The following GALNT18 variants were observed in gnomAD, a reference collection of about 807,000 sequenced individuals.
GALNT18 encodes polypeptide N-acetylgalactosaminyltransferase 18.
In GALNT18, 44 loss-of-function variants were observed where a neutral mutation model predicts 69.5. That is an observed-to-expected ratio of 0.63 (90% CI 0.50 to 0.81). The LOEUF (loss-of-function observed/expected upper bound fraction) is 0.81, where lower values mean the gene tolerates loss of function less well. GALNT18 is among the 40% of genes least tolerant of loss of function. The pLI is 0.00. For missense variants in GALNT18, 715 were observed against 810.0 expected (o/e 0.88, Z 1.42); for synonymous variants, 364 against 318.2 (o/e 1.14, Z -1.53).
intron 1 of GALNT18, among the ~76,000 whole-genome samples, chr11:11,524,106 C>T (rs1857465383): frequency 6.6e-6 from 1 of 152,012 alleles, no homozygotes; most frequent in Non-Finnish European, 1.5e-5. Context: ...GCCCTAAATC[C>T]AAGAAAGGCT....
chr11:11,362,092 G>A (rs1850656703), intron 6 of GALNT18, among the ~76,000 whole-genome samples: 1 of 152,144 alleles, frequency 6.6e-6, no homozygotes, highest in African/African-American at 2.4e-5. Context: ...ATATTATTTT[G>A]AATAGAAGGT....
rs528025879 is a variant in GALNT18, at chr11:11,442,504, A to T, written c.428+6240T>A. Among the ~76,000 whole-genome samples the T allele has an allele frequency of 7.2e-5, 11 of 152,274 alleles. 1 individual carries two copies. The East Asian group carries it at 1.9e-3, about 27-fold the overall frequency. ...TCAAAGATGCCAGATGTCTCTCTAG[A>T]GTCTGGACTGTTAAAACAATCTTGC... On this transcript the variant is annotated intron_variant, in intron 2 of 10. Transcript: ENST00000227756.
chr11:11,501,546 T>C (rs1452812697), intron 1 of GALNT18, among the ~76,000 whole-genome samples: 2 of 152,194 alleles, frequency 1.3e-5, no homozygotes, highest in Non-Finnish European at 2.9e-5. Context: ...AAGACACAAT[T>C]TGCCTATATT....
chr11:11,559,420 T>C (rs536689859), intron 1 of GALNT18, among the ~76,000 whole-genome samples: 4 of 152,340 alleles, frequency 2.6e-5, no homozygotes, highest in Admixed American at 1.3e-4. Flanking sequence ...AGCTTTCTAA[T>C]AGCAGGGCTG....
At chr11:11,294,892 C>G (rs57044303) in intron 9 of GALNT18, among the ~76,000 whole-genome samples, 4,641 of 152,230 alleles carry the variant, frequency 0.03, 227 homozygotes, top group African/African-American at 0.094. Context: ...CCAGTGATTA[C>G]GCCTCAGAAA....
rs180949567 is a variant in GALNT18, at chr11:11,370,305, A to G, written c.1092+2210T>C. On this transcript the variant is annotated intron_variant, in intron 6 of 10. Coordinates refer to ENST00000227756, the MANE Select transcript of GALNT18 (RefSeq NM_198516.3). ...ACAATCGTATGGTGTAATTAGGGCA[A>G]GTGTGCTGCTTTATAGAGGAAACTG... is the stretch of plus-strand genomic sequence containing the variant. Among the ~76,000 whole-genome samples the G allele has an allele frequency of 7.0e-3, 1,068 of 152,332 alleles. 11 individuals carry two copies. Among genetic ancestry groups the G allele is most frequent in the African/African-American group, 0.024 (1,011 of 41,578 alleles).
intron 1 of GALNT18, among the ~76,000 whole-genome samples, chr11:11,466,115 G>A (rs1211271438): frequency 1.3e-5 from 2 of 151,968 alleles, no homozygotes; most frequent in Non-Finnish European, 2.9e-5. Flanking sequence ...GCATGACCAT[G>A]TGTGATTAAC....
intron 1 of GALNT18, among the ~76,000 whole-genome samples, chr11:11,607,004 T>C (rs879082671): frequency 6.6e-6 from 1 of 152,212 alleles, no homozygotes; most frequent in Admixed American, 6.5e-5. Context: ...ATGTGAGAAC[T>C]GCAAAAGTAG....
At chr11:11,298,310 T>C (rs1038247008) in intron 9 of GALNT18, among the ~76,000 whole-genome samples, 4 of 152,220 alleles carry the variant, frequency 2.6e-5, no homozygotes, top group African/African-American at 7.2e-5. Context: ...CTGCTAGGTG[T>C]TTTCCATGCC....
chr11:11,403,548 C>T (rs115272933), intron 3 of GALNT18, among the ~76,000 whole-genome samples: 2,676 of 152,316 alleles, frequency 0.018, 36 homozygotes, highest in African/African-American at 0.035. Flanking sequence ...CATTCTTTGT[C>T]TCTGAGAGGT....
chr11:11,343,204 C>T lies in GALNT18; in HGVS notation c.1093-2200G>A, dbSNP rs115541001. Among the ~76,000 whole-genome samples, 823 of 151,938 alleles carry T rather than the reference C, an allele frequency of 5.4e-3. 10 individuals are homozygous for T. The highest frequency in any genetic ancestry group is 0.019 in the African/African-American group (768 of 41,432). On this transcript the variant is annotated intron_variant, in intron 6 of 10. Coordinates refer to ENST00000227756, the MANE Select transcript of GALNT18 (RefSeq NM_198516.3). Reference sequence around the variant, plus strand: ...GCTGAAAATTTCAAAAAAAGTTACCCGGGCGTGGTGGCACGTGCCTGTAGT... The same window carrying T: ...GCTGAAAATTTCAAAAAAAGTTACCTGGGCGTGGTGGCACGTGCCTGTAGT...
intron 3 of GALNT18, among the ~76,000 whole-genome samples, chr11:11,419,627 G>GAAAA (rs1854952138): frequency 1.6e-5 from 2 of 124,564 alleles, no homozygotes; most frequent in South Asian, 2.6e-4. Context: ...AAAAAAGAAA[G>GAAAA]AAGGAAAAGA....
At chr11:11,393,327 G>A (rs1189308730) in intron 3 of GALNT18, among the ~76,000 whole-genome samples, 1 of 152,252 alleles carries the variant, frequency 6.6e-6, no homozygotes, top group Non-Finnish European at 1.5e-5. Flanking sequence ...TAAGTGGGCT[G>A]AGAGTTTACT....
At chr11:11,509,457 A>G (rs1857127610) in intron 1 of GALNT18, among the ~76,000 whole-genome samples, 1 of 152,224 alleles carries the variant, frequency 6.6e-6, no homozygotes, top group Non-Finnish European at 1.5e-5. Context: ...GACCCAATAC[A>G]TCTTAATCTA....
chr11:11,406,261 C>G (rs879882596), intron 3 of GALNT18, among the ~76,000 whole-genome samples: 2 of 152,180 alleles, frequency 1.3e-5, no homozygotes, highest in Admixed American at 1.3e-4. Context: ...TGTAGACAAC[C>G]CTCCTTTGGT....
Position 11,320,385 on chromosome 11 carries a change from G to A in GALNT18, c.1512+6701C>T, listed in dbSNP as rs566180594. On this transcript the variant is annotated intron_variant, in intron 9 of 10. Transcript: ENST00000227756. This position sits in a 1 kb window ranked among gnomAD's most constrained non-coding sequence, Gnocchi z 4.9. Reference sequence around the variant, plus strand: ...GTGACAGTTCCATCCGTGCATACACGACCTTCCCAAAGCTCTCCTTGTCCT... The same window carrying A: ...GTGACAGTTCCATCCGTGCATACACAACCTTCCCAAAGCTCTCCTTGTCCT... Among the ~76,000 whole-genome samples, 55 of 152,112 alleles carry A rather than the reference G, an allele frequency of 3.6e-4. No individual in the cohort carries two copies. The highest frequency in any genetic ancestry group is 6.2e-4 in the Non-Finnish European group (42 of 68,022).
At chr11:11,456,120 T>C (rs909307976) in intron 1 of GALNT18, among the ~76,000 whole-genome samples, 2 of 151,932 alleles carry the variant, frequency 1.3e-5, no homozygotes, top group African/African-American at 2.4e-5. Context: ...GTGCATTATT[T>C]GGGGTCCAAC....
chr11:11,585,465 C>G (rs982480670), intron 1 of GALNT18, among the ~76,000 whole-genome samples: 8 of 151,310 alleles, frequency 5.3e-5, no homozygotes, highest in African/African-American at 1.9e-4. Flanking sequence ...AAACGATTTT[C>G]CTGCCTCAGC....
chr11:11,397,999 A>G (rs1436002614), intron 3 of GALNT18, among the ~76,000 whole-genome samples: 1 of 152,242 alleles, frequency 6.6e-6, no homozygotes, highest in Non-Finnish European at 1.5e-5. Flanking sequence ...TGAAGGGAAG[A>G]GGAAGGAAAT....
Sources: allele counts gnomAD v4.1 joint callset (sites outside exome capture counted in the v4.1 genomes callset), GRCh38; gene constraint gnomAD v4.1.1; non-coding constraint Gnocchi (gnomAD v3.1); transcripts MANE v1.5; gene names NCBI Gene and HGNC (gene_info 2026-07-23, HGNC 2026-07-21).